Variants in LIMCH1 observed in about 807,000 individuals in gnomAD.
LIMCH1 encodes LIM and calponin homology domains 1, also known as LIM and calponin homology domains-containing protein 1.
Under a neutral mutation model 176.5 loss-of-function variants are expected in LIMCH1, and 113 were observed. The observed-to-expected ratio is 0.64, with a 90% confidence interval of 0.55 to 0.75. The LOEUF is 0.75. LIMCH1 is among the 30% of genes least tolerant of loss of function. LIMCH1 has a pLI of 0.00. For synonymous variants in LIMCH1, 619 were observed against 645.9 expected (o/e 0.96, Z 0.63); for missense variants, 1,674 against 1,814.9 (o/e 0.92, Z 1.41).
At position 41,413,212 on chromosome 4, in the gene LIMCH1, T is replaced by C. The variant is rs1481197139; in HGVS notation, c.96+52276T>C. 2.2e-5 allele frequency among the ~76,000 whole-genome samples: 3 copies of C among 134,214 alleles called. No individual in the cohort carries two copies. In the East Asian group the frequency reaches 7.5e-4, roughly 34 times the overall value. The allele number at this position is 134,214 out of a possible 152,430, so 88.0% of individuals were successfully genotyped here. On this transcript the variant is annotated intron_variant, in intron 1 of 26. Transcript: ENST00000313860. ...TGTTATTATATGCAACATGTAGACA[T>C]AATAAGTTTTTTTTTTTTTTTTTTA...
chr4:41,410,042 T>G (rs1460998899), intron 1 of LIMCH1, among the ~76,000 whole-genome samples: 1 of 152,208 alleles, frequency 6.6e-6, no homozygotes, highest in Non-Finnish European at 1.5e-5. Context: ...TAGGAATTCC[T>G]GAAAATGGGG....
chr4:41,436,575 C>T (rs79278739), intron 1 of LIMCH1, among the ~76,000 whole-genome samples: 4,900 of 152,192 alleles, frequency 0.032, 201 homozygotes, highest in South Asian at 0.11. Flanking sequence ...ATTTTATCAT[C>T]GGGATTGTAG....
At chr4:41,558,611 C>G (rs1173849167) in intron 1 of LIMCH1, among the ~76,000 whole-genome samples, 2 of 152,150 alleles carry the variant, frequency 1.3e-5, no homozygotes, top group East Asian at 3.9e-4. Flanking sequence ...AGACCCAGCT[C>G]ACATCACCTC....
chr4:41,418,286 A>G (rs1456852218), intron 1 of LIMCH1, among the ~76,000 whole-genome samples: 1 of 152,084 alleles, frequency 6.6e-6, no homozygotes, highest in Non-Finnish European at 1.5e-5. Context: ...ATAACAAAAG[A>G]CTCTATTCTA....
At chr4:41,634,607 A>G (rs1266479114) in intron 13 of LIMCH1, among the ~76,000 whole-genome samples, 1 of 152,214 alleles carries the variant, frequency 6.6e-6, no homozygotes, top group African/African-American at 2.4e-5. Flanking sequence ...TATATTTTAC[A>G]TTCTTCTGAA....
At chr4:41,649,013 G>A (rs1451535267) in intron 17 of LIMCH1, among the ~76,000 whole-genome samples, 3 of 152,042 alleles carry the variant, frequency 2.0e-5, no homozygotes, top group African/African-American at 7.3e-5. Flanking sequence ...CTTTTTATGG[G>A]TAACAAATAA....
upstream of LIMCH1, among the ~76,000 whole-genome samples, chr4:41,534,333 C>T (rs931946561): frequency 2.6e-5 from 4 of 151,910 alleles, no homozygotes; most frequent in African/African-American, 7.2e-5. Flanking sequence ...AAGACACTGG[C>T]AATGAAAAAA....
intron 2 of LIMCH1, among the ~76,000 whole-genome samples, chr4:41,519,117 G>A (rs2075871438): frequency 6.6e-6 from 1 of 152,186 alleles, no homozygotes; most frequent in Admixed American, 6.5e-5. Flanking sequence ...TGTGTGCAAA[G>A]CATATCTTTA....
At position 41,646,862 on chromosome 4, in the gene LIMCH1, A is replaced by C; in HGVS notation, c.2789A>C (p.Lys930Thr). Residue 930 changes from lysine to threonine, a missense_variant, in exon 17 of 32, where the codon AAA (lysine) becomes ACA (threonine). Physicochemically the swap from Lys to Thr is moderately conservative, Grantham distance 78. Around this residue, in one of 3 missense-constraint regions of LIMCH1, gnomAD observed 1,015 missense variants for 1,102.5 expected, o/e 0.92. Coordinates refer to ENST00000503057, the MANE Select transcript of LIMCH1 (RefSeq NM_001330672.2). ...MLTPKPYSQP[K>T]NSQDVLKTFK... ...ACACCCAAGCCTTACTCCCAGCCCAAAAATTCTCAAGATGTTCTGAAGACC... is the reference window on the plus strand; with the variant it reads ...ACACCCAAGCCTTACTCCCAGCCCACAAATTCTCAAGATGTTCTGAAGACC... The C allele has an allele frequency of 1.2e-6, 2 of 1,613,922 alleles. No homozygotes were observed. Among genetic ancestry groups the C allele is most frequent in the Non-Finnish European group, 1.7e-6 (2 of 1,179,794 alleles).
intron 1 of LIMCH1, among the ~76,000 whole-genome samples, chr4:41,375,579 A>C (rs974079784): frequency 6.6e-6 from 1 of 152,188 alleles, no homozygotes; most frequent in Non-Finnish European, 1.5e-5. Context: ...TCTCAGGTAA[A>C]GATATCTATT....
chr4:41,524,386 A>G (rs2076416375), intron 2 of LIMCH1: 1 of 1,600,986 alleles, frequency 6.2e-7, no homozygotes, highest in Non-Finnish European at 8.6e-7. Flanking sequence ...GTCTCACTTG[A>G]CATTCTGCCT....
chr4:41,698,427 G>A lies in LIMCH1; in HGVS notation c.*1242G>A, dbSNP rs151089436. 7 of 152,260 alleles carry A rather than the reference G, an allele frequency of 4.6e-5. 1 individual carries two copies. Among genetic ancestry groups the A allele is most frequent in the Admixed American group, 4.6e-4 (7 of 15,278 alleles). The allele number at this position is 152,260 out of a possible 1,614,324, so 9.4% of individuals were successfully genotyped here. ...TGGTTTATTTTCTGCCCTGTGCGACGAGTTTCAGCTGGCCAAGAAAGGAGT... is the reference window on the plus strand; with the variant it reads ...TGGTTTATTTTCTGCCCTGTGCGACAAGTTTCAGCTGGCCAAGAAAGGAGT... On this transcript the variant is annotated 3_prime_UTR_variant, in exon 32 of 32. Transcript: ENST00000503057.
intron 13 of LIMCH1, 51 bp from the exon 14 acceptor site, chr4:41,638,881 G>T: frequency 6.7e-7 from 1 of 1,482,376 alleles, no homozygotes. Flanking sequence ...CTTGCTTACA[G>T]TGTTCACTTT....
At chr4:41,629,104 T>C (rs1035627831) in intron 8 of LIMCH1, among the ~76,000 whole-genome samples, 1 of 152,156 alleles carries the variant, frequency 6.6e-6, no homozygotes, top group Non-Finnish European at 1.5e-5. Context: ...TAAAAAACAT[T>C]CCAAGAGGGC....
chr4:41,566,144 T>C (rs1462482450), intron 1 of LIMCH1, among the ~76,000 whole-genome samples: 1 of 152,132 alleles, frequency 6.6e-6, no homozygotes, highest in Non-Finnish European at 1.5e-5. Flanking sequence ...AGTCAGGCCA[T>C]ATGGGTGGTC....
chr4:41,430,552 G>A (rs1189606942), intron 1 of LIMCH1, among the ~76,000 whole-genome samples: 2 of 152,152 alleles, frequency 1.3e-5, no homozygotes, highest in South Asian at 2.1e-4. Context: ...TTGAGCCATC[G>A]GGCACCCTGC....
At chr4:41,518,471 CACA>C (rs1379505283) in intron 2 of LIMCH1, among the ~76,000 whole-genome samples, 1 of 152,062 alleles carries the variant, frequency 6.6e-6, no homozygotes, top group African/African-American at 2.4e-5. Flanking sequence ...GAGAGACTAC[CACA>C]TGCTGGATAT....
Position 41,626,950 on chromosome 4 carries a change from C to A in LIMCH1, c.968C>A (p.Ser323Ter). Residue 323 changes from serine (S) to a stop codon, truncating the protein, a stop_gained, in exon 8 of 32, where the codon TCA becomes TAA. Transcript: ENST00000503057. LOFTEE classifies it high-confidence loss of function. ...TATCCAAAGAAAGGGGCAGAGAAAT[C>A]AGATGGCAGCAAACAGCTCTCAAAG... Reference protein sequence around the residue: ...GPYPKKGAEKSDGSKQLSKGI... With the variant: ...GPYPKKGAEK The A allele has an allele frequency of 6.5e-7, 1 of 1,535,684 alleles. No individual in the cohort carries two copies. The highest frequency in any genetic ancestry group is 8.7e-7 in the Non-Finnish European group (1 of 1,146,850).
chr4:41,396,826 G>A (rs2154114530), intron 1 of LIMCH1, among the ~76,000 whole-genome samples: 1 of 152,166 alleles, frequency 6.6e-6, no homozygotes, highest in Admixed American at 6.5e-5. Flanking sequence ...GCTTGAACCT[G>A]GGAGGCAGAG....
Sources: gnomAD v4.1 joint callset for allele counts (sites outside exome capture counted in the v4.1 genomes callset) on GRCh38, gnomAD v4.1.1 for gene constraint, gnomAD v4.1.1 regional missense constraint, MANE v1.5 for transcripts, NCBI Gene and HGNC (gene_info 2026-07-23, HGNC 2026-07-21) for gene names.